Variants in MSRA observed in about 807,000 individuals in gnomAD.
The protein encoded by MSRA is mitochondrial peptide methionine sulfoxide reductase.
MSRA carries 54 observed loss-of-function variants against 31.3 expected under a neutral mutation model. The observed-to-expected ratio is 1.73, with a 90% confidence interval of 1.39 to 2.17. MSRA has a LOEUF of 2.17. Ranked by LOEUF, MSRA falls within the 30% of genes most tolerant of loss-of-function variation. The pLI is 0.00. For missense variants in MSRA, 507 were observed against 300.9 expected, an observed-to-expected ratio of 1.69 and a Z score of -5.07; for synonymous variants, 169 against 116.5, an observed-to-expected ratio of 1.45 and a Z score of -2.90.
chr8:10,300,341 C>T (rs1049879880), intron 3 of MSRA, among the ~76,000 whole-genome samples: 2 of 151,964 alleles, frequency 1.3e-5, no homozygotes, highest in Admixed American at 1.3e-4. Flanking sequence ...CTGCAACCTC[C>T]ACCTCTCAGG....
intron 1 of MSRA, among the ~76,000 whole-genome samples, chr8:10,155,303 G>A (rs181142899): frequency 6.6e-6 from 1 of 152,258 alleles, no homozygotes; most frequent in African/African-American, 2.4e-5. Flanking sequence ...TTTTCACTGT[G>A]GAAGGAGACA....
At chr8:10,278,053 C>T (rs1222787224) in intron 3 of MSRA, among the ~76,000 whole-genome samples, 5 of 152,078 alleles carry the variant, frequency 3.3e-5, no homozygotes, top group African/African-American at 9.7e-5. Context: ...CCTGTAATGT[C>T]GATGCTCGCT....
At chr8:10,367,875 G>A (rs2129168704) in intron 5 of MSRA, among the ~76,000 whole-genome samples, 1 of 152,340 alleles carries the variant, frequency 6.6e-6, no homozygotes, top group Non-Finnish European at 1.5e-5. Flanking sequence ...AAGCCCAAGT[G>A]AGGGGGGAAA....
chr8:10,285,282 C>T (rs1026549406), intron 3 of MSRA, among the ~76,000 whole-genome samples: 6 of 152,188 alleles, frequency 3.9e-5, no homozygotes, highest in African/African-American at 9.7e-5. Flanking sequence ...TTTAATTTGA[C>T]AGTATTTTTA....
At chr8:10,180,665 C>T (rs1303793442) in intron 1 of MSRA, among the ~76,000 whole-genome samples, 1 of 152,216 alleles carries the variant, frequency 6.6e-6, no homozygotes, top group Non-Finnish European at 1.5e-5. Context: ...TTTAGGAGCG[C>T]TGTACCAGGA....
intron 5 of MSRA, among the ~76,000 whole-genome samples, chr8:10,392,691 T>A (rs1171542135): frequency 1.3e-5 from 2 of 151,770 alleles, no homozygotes; most frequent in African/African-American, 2.4e-5. Context: ...TTTTTTTTTT[T>A]TTTAAATCTA....
intron 1 of MSRA, among the ~76,000 whole-genome samples, chr8:10,148,511 G>A (rs1803361588): frequency 6.6e-6 from 1 of 151,966 alleles, no homozygotes; most frequent in Non-Finnish European, 1.5e-5. Context: ...GCCAGGCATG[G>A]TGGTGCACAT....
chr8:10,270,675 A>G (rs1169558256), intron 3 of MSRA, among the ~76,000 whole-genome samples: 1 of 152,216 alleles, frequency 6.6e-6, no homozygotes, highest in Non-Finnish European at 1.5e-5. Context: ...ATCCAGGTGG[A>G]TGTACCTGAG....
chr8:10,403,997 G>A (rs181310023), intron 5 of MSRA, among the ~76,000 whole-genome samples: 635 of 152,334 alleles, frequency 4.2e-3, no homozygotes, highest in Middle Eastern at 0.01. Context: ...TGTGTTGGGC[G>A]GGGGACTGTT....
chr8:10,340,477 A>G (rs1019202680), intron 5 of MSRA, among the ~76,000 whole-genome samples: 6 of 152,196 alleles, frequency 3.9e-5, no homozygotes, highest in Non-Finnish European at 8.8e-5. Flanking sequence ...GCTTCAAGTG[A>G]TTCTCGTCCT....
intron 1 of MSRA, among the ~76,000 whole-genome samples, chr8:10,123,671 C>G (rs891433464): frequency 4.6e-5 from 7 of 151,932 alleles, no homozygotes; most frequent in Non-Finnish European, 8.8e-5. Flanking sequence ...TTGACTTTTT[C>G]TATGTGGTGT....
chr8:10,056,623 G>C (rs571971769), intron 1 of MSRA, among the ~76,000 whole-genome samples: 34 of 151,518 alleles, frequency 2.2e-4, no homozygotes, highest in African/African-American at 7.8e-4. Flanking sequence ...GTGAAATTTA[G>C]ATTGTGGACG....
intron 2 of MSRA, among the ~76,000 whole-genome samples, chr8:10,230,384 T>G (rs1479847739): frequency 6.6e-6 from 1 of 152,124 alleles, no homozygotes; most frequent in Non-Finnish European, 1.5e-5. Context: ...GTGTAGGAAG[T>G]GAAGTATGCA....
In MSRA at chr8:10,184,461, C is replaced by T. The variant is rs968214437; in HGVS notation, c.143-23372C>T. On this transcript the variant is annotated intron_variant, in intron 1 of 5. Transcript: ENST00000317173. ...TAAAAGGTTTGGCTGGTGTTATTCT[C>T]GGTGAAAATAGCAGAAAATCCTTCT... Among the ~76,000 whole-genome samples the T allele has an allele frequency of 8.5e-5, 13 of 152,060 alleles. No homozygotes were observed. The South Asian group carries it at 1.0e-3, about 12-fold the overall frequency.
intron 1 of MSRA, among the ~76,000 whole-genome samples, chr8:10,110,908 T>G (rs1352856179): frequency 1.3e-5 from 2 of 152,196 alleles, no homozygotes; most frequent in African/African-American, 4.8e-5. Context: ...CATGGTTCAG[T>G]TACATGGTTT....
chr8:10,289,972 C>A (rs1240548467), intron 3 of MSRA, among the ~76,000 whole-genome samples: 2 of 152,090 alleles, frequency 1.3e-5, no homozygotes, highest in African/African-American at 4.8e-5. Context: ...TTGTGCTTTC[C>A]CCTTTATGTC....
intron 1 of MSRA, among the ~76,000 whole-genome samples, chr8:10,114,531 A>G (rs1192591186): frequency 6.6e-6 from 1 of 152,204 alleles, no homozygotes; most frequent in African/African-American, 2.4e-5. Flanking sequence ...AATGACAGCC[A>G]TGCTAATGGG....
At chr8:10,316,851 C>T (rs532806065) in intron 4 of MSRA, among the ~76,000 whole-genome samples, 2 of 152,172 alleles carry the variant, frequency 1.3e-5, no homozygotes, top group Non-Finnish European at 2.9e-5. Context: ...GGGAGGACTT[C>T]GGGACACCAT....
chr8:10,418,740 A>G (rs1262080593), intron 5 of MSRA, among the ~76,000 whole-genome samples: 1 of 145,978 alleles, frequency 6.9e-6, no homozygotes, highest in East Asian at 2.1e-4. Flanking sequence ...TGGTACAACA[A>G]AGTGAAGGTA....
Sources: gnomAD v4.1 joint callset for allele counts (sites outside exome capture counted in the v4.1 genomes callset) on GRCh38, gnomAD v4.1.1 for gene constraint, MANE v1.5 for transcripts, NCBI Gene and HGNC (gene_info 2026-07-23, HGNC 2026-07-21) for gene names.